The following SEL1L variants were observed in gnomAD, a reference collection of about 807,000 sequenced individuals.
SEL1L encodes SEL1L adaptor subunit of SYVN1 ubiquitin ligase, also known as protein sel-1 homolog 1.
Under a neutral mutation model 109.8 loss-of-function variants are expected in SEL1L, and 52 were observed. The observed-to-expected ratio is 0.47, with a 90% CI of 0.38 to 0.60. SEL1L has a LOEUF of 0.60. Among genes scored for constraint, SEL1L ranks in the 20% least tolerant of loss-of-function variants. SEL1L has a pLI of 0.00. For synonymous variants in SEL1L, 373 were observed against 339.6 expected, an observed-to-expected ratio of 1.10 and a Z score of -1.08; for missense variants, 749 against 962.2, an observed-to-expected ratio of 0.78 and a Z score of 2.93.
chr14:81,499,076 T>C, intron 8 of SEL1L: 1 of 898,664 alleles, frequency 1.1e-6, no homozygotes, highest in Non-Finnish European at 1.3e-6. Flanking sequence ...TAATATTTCA[T>C]GTTGTTTTTC....
chr14:81,493,204 T>A (rs1396024584), intron 11 of SEL1L, among the ~76,000 whole-genome samples: 1 of 151,996 alleles, frequency 6.6e-6, no homozygotes, highest in Non-Finnish European at 1.5e-5. Context: ...CATTCTATAA[T>A]CTCATCATCA....
chr14:81,486,210 T>A (rs1435790540), intron 17 of SEL1L, 79 bp downstream of exon 17: 1 of 1,342,386 alleles, frequency 7.4e-7, no homozygotes, highest in African/African-American at 1.5e-5. Context: ...TAGTAGCTTT[T>A]CTTTTTGAAT....
In SEL1L at chr14:81,502,739, G is replaced by A; in HGVS notation, c.759C>T (p.Gly253=). ...REMFEKLTEE[G]SPKGQTALGF... is the part of the protein sequence containing the mutation. ...TACTTACAGTCTGTCCCTTGGGAGA[G>A]CCTTCCTCAGTCAGCTTCTCAAACA... The change falls in exon 6 of 21, where the codon GGC becomes GGT. Residue 253 remains glycine (G), a synonymous_variant. Coordinates refer to ENST00000336735, the MANE Select transcript of SEL1L (RefSeq NM_005065.6). 1 of 1,613,954 alleles carries A rather than the reference G, an allele frequency of 6.2e-7. No homozygotes were observed.
chr14:81,498,090 G>A (rs1344066398), intron 9 of SEL1L, 44 bp from the exon 10 acceptor site: 1 of 1,572,818 alleles, frequency 6.4e-7, no homozygotes, highest in African/African-American at 1.4e-5. Flanking sequence ...AAAATCAGAA[G>A]AATTGTTCCA....
chr14:81,491,038 T>C (rs1883520889), intron 12 of SEL1L, among the ~76,000 whole-genome samples: 2 of 152,370 alleles, frequency 1.3e-5, no homozygotes, highest in East Asian at 1.9e-4. Context: ...AATCAGCTCA[T>C]ATATTAGTCT....
intron 3 of SEL1L, among the ~76,000 whole-genome samples, chr14:81,507,026 GA>G (rs1884267795): frequency 6.6e-6 from 1 of 152,162 alleles, no homozygotes; most frequent in African/African-American, 2.4e-5. Context: ...GAGTAGCAGT[GA>G]ATGAAAGGCT....
chr14:81,510,506 C>A (rs537670079), intron 3 of SEL1L, among the ~76,000 whole-genome samples: 1,393 of 120,860 alleles, frequency 0.012, 15 homozygotes, highest in African/African-American at 0.024. Flanking sequence ...CTCTCTCTCT[C>A]TCTCTCTCTA....
chr14:81,501,781 G>C (rs535099289), intron 6 of SEL1L, among the ~76,000 whole-genome samples: 1 of 152,254 alleles, frequency 6.6e-6, no homozygotes, highest in East Asian at 1.9e-4. Flanking sequence ...GTTAGCAACT[G>C]ATGTGATACA....
At chr14:81,481,673 T>A (rs1359173903) in intron 19 of SEL1L, among the ~76,000 whole-genome samples, 1 of 152,188 alleles carries the variant, frequency 6.6e-6, no homozygotes, top group Non-Finnish European at 1.5e-5. Context: ...GGATTGTTTT[T>A]AGTAGCATGA....
chr14:81,513,653 C>T (rs185435784), intron 3 of SEL1L, among the ~76,000 whole-genome samples: 3 of 152,194 alleles, frequency 2.0e-5, no homozygotes, highest in Non-Finnish European at 1.5e-5. Flanking sequence ...CCTTAGAATT[C>T]GGGGGCTAAA....
chr14:81,499,942 G>C (rs1595516707), intron 6 of SEL1L, among the ~76,000 whole-genome samples: 1 of 117,712 alleles, frequency 8.5e-6, no homozygotes, highest in South Asian at 2.7e-4. Flanking sequence ...GTATCACTCT[G>C]TCATCCAGGC....
chr14:81,513,832 C>G (rs925181343), intron 3 of SEL1L, among the ~76,000 whole-genome samples: 1 of 152,128 alleles, frequency 6.6e-6, no homozygotes, highest in Non-Finnish European at 1.5e-5. Context: ...CTCGGCTGAG[C>G]CAAGGGTGGA....
intron 10 of SEL1L, 26 bp from the exon 11 acceptor site, chr14:81,495,163 AAGT>A: frequency 6.2e-7 from 1 of 1,608,808 alleles, no homozygotes; most frequent in East Asian, 2.2e-5. Flanking sequence ...AACAAGGCAA[AAGT>A]AAGTGGTACC....
intron 19 of SEL1L, among the ~76,000 whole-genome samples, chr14:81,481,252 A>C (rs942748320): frequency 6.6e-6 from 1 of 152,206 alleles, no homozygotes; most frequent in African/African-American, 2.4e-5. Context: ...CCCTATTATC[A>C]AAGAATACCA....
chr14:81,516,242 G>A (rs946855590), intron 3 of SEL1L, among the ~76,000 whole-genome samples: 3 of 152,088 alleles, frequency 2.0e-5, no homozygotes, highest in Non-Finnish European at 4.4e-5. Flanking sequence ...ACCATTGAGG[G>A]CCAGGAAATT....
chr14:81,495,205 C>A, intron 10 of SEL1L, 68 bp from the exon 11 acceptor site: 1 of 1,400,794 alleles, frequency 7.1e-7, no homozygotes, highest in Non-Finnish European at 1.0e-6. Flanking sequence ...ATCAGACCAA[C>A]AAGAAATGAT....
chr14:81,529,772 C>T lies in SEL1L; in HGVS notation c.71-2034G>A, dbSNP rs144779964. Among the ~76,000 whole-genome samples, 589 of 152,260 alleles carry T rather than the reference C, an allele frequency of 3.9e-3. 4 individuals carry two copies. Among genetic ancestry groups the T allele is most frequent in the African/African-American group, 0.013 (551 of 41,552 alleles). ...CCAGATGGTAGTCTCAAAGCATAAG[C>T]TATTTTCTTTTTCAAACTGATATAA... is the stretch of plus-strand genomic sequence containing the variant. On this transcript the variant is annotated intron_variant, in intron 1 of 20. Coordinates refer to ENST00000336735, the MANE Select transcript of SEL1L (RefSeq NM_005065.6).
At chr14:81,518,222 C>T (rs1332982853) in intron 3 of SEL1L, among the ~76,000 whole-genome samples, 1 of 151,600 alleles carries the variant, frequency 6.6e-6, no homozygotes, top group Non-Finnish European at 1.5e-5. Flanking sequence ...CTCTGACTCT[C>T]ATGAGACTGA....
rs1903522630 is a variant in SEL1L, at chr14:81,486,458, T to C, written c.1633-4A>G. On this transcript the variant is annotated splice_region_variant and splice_polypyrimidine_tract_variant and intron_variant, in intron 16 of 20. Transcript: ENST00000336735. ...GTTCACATACATTCTTAAACAACTG[T>C]GTGAGGTGGGGAAAAAAAATATCAG... 1.9e-6 allele frequency: 3 copies of C among 1,610,718 alleles called. No individual in the cohort carries two copies. The highest frequency in any genetic ancestry group is 4.5e-5 in the East Asian group (2 of 44,846).
Sources: gnomAD v4.1 joint callset for allele counts (sites outside exome capture counted in the v4.1 genomes callset) on GRCh38, gnomAD v4.1.1 for gene constraint, MANE v1.5 for transcripts, NCBI Gene and HGNC (gene_info 2026-07-23, HGNC 2026-07-21) for gene names.